The following CTDSPL2 variants were observed in gnomAD, a reference collection of about 807,000 sequenced individuals.
CTDSPL2 encodes the protein CTD small phosphatase-like protein 2.
A neutral mutation model predicts 60.0 loss-of-function variants in CTDSPL2; 5 were observed. The observed-to-expected ratio is 0.08, with a 90% CI of 0.04 to 0.18. CTDSPL2 has a LOEUF of 0.18. Ranked by LOEUF, CTDSPL2 falls within the 10% of genes least tolerant of loss-of-function variation. CTDSPL2 has a pLI of 1.00. For missense variants in CTDSPL2, 370 were observed against 548.8 expected, an observed-to-expected ratio of 0.67 and a Z score of 3.26; for synonymous variants, 186 against 189.3, an observed-to-expected ratio of 0.98 and a Z score of 0.14.
intron 1 of CTDSPL2, among the ~76,000 whole-genome samples, chr15:44,452,141 A>C (rs1183642359): frequency 6.6e-6 from 1 of 152,236 alleles, no homozygotes; most frequent in Non-Finnish European, 1.5e-5. Flanking sequence ...TTGAAATATT[A>C]CATGACCATT....
chr15:44,519,666 T>C (rs1321052279), intron 11 of CTDSPL2: 1 of 160,186 alleles, frequency 6.2e-6, no homozygotes, highest in African/African-American at 2.4e-5. Context: ...AATATTTTCT[T>C]AGACTATTTT....
intron 8 of CTDSPL2, among the ~76,000 whole-genome samples, chr15:44,510,603 G>A (rs1245511920): frequency 6.6e-6 from 1 of 152,150 alleles, no homozygotes; most frequent in Non-Finnish European, 1.5e-5. Context: ...ATTTTGAAGA[G>A]CTGCAAGTTT....
intron 4 of CTDSPL2, 57 bp downstream of exon 4, chr15:44,486,757 GGTTT>G: frequency 8.5e-7 from 1 of 1,173,338 alleles, no homozygotes; most frequent in South Asian, 1.6e-5. Flanking sequence ...GCATAGTTTG[GGTTT>G]TTTTTTTTTT....
At position 44,525,676 on chromosome 15, in the gene CTDSPL2, T is replaced by G. The variant is rs2081860698; in HGVS notation, c.*1502T>G. On this transcript the variant is annotated 3_prime_UTR_variant, in exon 13 of 13. Transcript: ENST00000260327. ...TATATTACCTGTTTACTTGTACAAC[T>G]TACTGTACAAATTACATGCAGCTTC... 1 of 392,432 alleles carries G rather than the reference T, an allele frequency of 2.5e-6. No individual in the cohort carries two copies. Among genetic ancestry groups the G allele is most frequent in the East Asian group, 3.6e-5 (1 of 27,682 alleles). The allele number at this position is 392,432 out of a possible 1,614,324, so 24.3% of individuals were successfully genotyped here.
intron 1 of CTDSPL2, 115 bp from the exon 2 acceptor site, chr15:44,458,876 C>A (rs770802005): frequency 1.2e-5 from 7 of 589,770 alleles, no homozygotes; most frequent in Non-Finnish European, 1.6e-5. Flanking sequence ...GAGTCTAGGA[C>A]TTTTGTTTTT....
At chr15:44,474,231 C>G (rs2080867286) in intron 2 of CTDSPL2, among the ~76,000 whole-genome samples, 1 of 152,060 alleles carries the variant, frequency 6.6e-6, no homozygotes, top group African/African-American at 2.4e-5. Flanking sequence ...CGCCTGTAAT[C>G]CTAGCACTTT....
intron 1 of CTDSPL2, among the ~76,000 whole-genome samples, chr15:44,446,578 T>C (rs1443685589): frequency 1.3e-5 from 2 of 150,928 alleles, no homozygotes; most frequent in African/African-American, 4.9e-5. Flanking sequence ...TGCAGTGAGC[T>C]GAGATAGAAC....
intron 8 of CTDSPL2, among the ~76,000 whole-genome samples, chr15:44,507,058 C>T (rs6493106): frequency 0.56 from 84,123 of 150,626 alleles, 23,762 homozygotes; most frequent in African/African-American, 0.63. Flanking sequence ...TGAGCCACCG[C>T]GCCTGGCTTT....
chr15:44,459,333 C>T (rs1016065622), intron 2 of CTDSPL2, 133 bp downstream of exon 2: 3 of 514,798 alleles, frequency 5.8e-6, no homozygotes, highest in African/African-American at 4.1e-5. Context: ...CGAGACCATC[C>T]TGGCTAACAC....
At chr15:44,497,997 A>T (rs1236286499) in intron 7 of CTDSPL2, among the ~76,000 whole-genome samples, 1 of 150,850 alleles carries the variant, frequency 6.6e-6, no homozygotes, top group African/African-American at 2.4e-5. Flanking sequence ...ATTCTGTCTC[A>T]GAAAAAAAAA....
At chr15:44,435,667 C>T (rs1048549007) in intron 1 of CTDSPL2, among the ~76,000 whole-genome samples, 1 of 140,142 alleles carries the variant, frequency 7.1e-6, no homozygotes, top group East Asian at 2.5e-4. Context: ...AGCGCAGTGG[C>T]GCAATCTGAG....
chr15:44,469,975 G>T (rs970457493), intron 2 of CTDSPL2, among the ~76,000 whole-genome samples: 11 of 151,874 alleles, frequency 7.2e-5, no homozygotes, highest in African/African-American at 2.4e-4. Flanking sequence ...GCAGGCACCT[G>T]TGGTCCCAGC....
intron 1 of CTDSPL2, among the ~76,000 whole-genome samples, chr15:44,456,837 G>A (rs1031346746): frequency 2.9e-5 from 4 of 137,454 alleles, no homozygotes; most frequent in Non-Finnish European, 4.8e-5. Flanking sequence ...GTGATGTTAG[G>A]GTGTCAGTTT....
chr15:44,486,400 T>G, intron 3 of CTDSPL2, 151 bp from the exon 4 acceptor site: 1 of 551,662 alleles, frequency 1.8e-6, no homozygotes, highest in Middle Eastern at 5.0e-4. Flanking sequence ...CCTCAATGTT[T>G]CTTTAATAAG....
Position 44,427,777 on chromosome 15 carries a change from T to C in CTDSPL2, c.-25+5T>C, listed in dbSNP as rs899164577. 2.5e-6 allele frequency: 1 copy of C among 399,054 alleles called. No individual in the cohort carries two copies. Among genetic ancestry groups the C allele is most frequent in the Non-Finnish European group, 4.4e-6 (1 of 226,206 alleles). The allele number at this position is 399,054 out of a possible 1,614,324, so 24.7% of individuals were successfully genotyped here. ...CTTCTCTGTCGTCACAGTTAGGTAA[T>C]CCCCTTCGTCCAGACGCCGCCGCTG... is the stretch of plus-strand genomic sequence containing the variant. On this transcript the variant is annotated splice_donor_5th_base_variant and intron_variant, in intron 1 of 12. Transcript: ENST00000260327.
chr15:44,481,402 A>G (rs1476046865), intron 2 of CTDSPL2, among the ~76,000 whole-genome samples: 1 of 152,162 alleles, frequency 6.6e-6, no homozygotes. Context: ...CACTATTGGT[A>G]AACAGGGGAG....
At chr15:44,519,970 C>T (rs2081733405) in intron 11 of CTDSPL2, 1 of 151,686 alleles carries the variant, frequency 6.6e-6, no homozygotes, top group African/African-American at 2.4e-5. Flanking sequence ...GACGGGGTTT[C>T]TCCATGTTGG....
At chr15:44,514,552 C>G (rs767747867) in intron 8 of CTDSPL2, 46 bp from the exon 9 acceptor site, 1 of 1,116,802 alleles carries the variant, frequency 9.0e-7, no homozygotes, top group Non-Finnish European at 1.4e-6. Flanking sequence ...GAAGTGGTTT[C>G]CCATTGTATG....
chr15:44,515,102 A>G (rs2081626685), intron 10 of CTDSPL2, among the ~76,000 whole-genome samples: 1 of 150,824 alleles, frequency 6.6e-6, no homozygotes, highest in African/African-American at 2.5e-5. Context: ...GGGATTGGGG[A>G]AGACGGGGGT....
Sources: allele counts gnomAD v4.1 joint callset (sites outside exome capture counted in the v4.1 genomes callset), GRCh38; gene constraint gnomAD v4.1.1; transcripts MANE v1.5; gene names NCBI Gene and HGNC (gene_info 2026-07-23, HGNC 2026-07-21).